TCF20: variants seen among roughly 807,000 people sequenced by gnomAD.
TCF20 encodes SPRE-binding protein.
TCF20 carries 3 observed loss-of-function variants against 148.6 expected under a neutral mutation model. That is an observed-to-expected ratio of 0.02 (90% CI 0.01 to 0.05). The LOEUF is 0.05. Among genes scored for constraint, TCF20 ranks in the 10% least tolerant of loss-of-function variants. TCF20 has a pLI of 1.00. For synonymous variants in TCF20, 1,049 were observed against 909.5 expected, an observed-to-expected ratio of 1.15 and a Z score of -2.76; for missense variants, 2,350 against 2,429.3, an observed-to-expected ratio of 0.97 and a Z score of 0.69.
At chr22:42,217,441 C>T (rs918464124) in intron 1 of TCF20, among the ~76,000 whole-genome samples, 2 of 152,182 alleles carry the variant, frequency 1.3e-5, no homozygotes, top group African/African-American at 4.8e-5. Flanking sequence ...CCCTGCCTGG[C>T]CCCATACTTA....
At position 42,215,115 on chromosome 22, in the gene TCF20, G is replaced by GC; in HGVS notation, c.190dup (p.Ala64GlyfsTer8). 1 of 1,614,190 alleles carries GC rather than the reference G, an allele frequency of 6.2e-7. No homozygotes were observed. Among genetic ancestry groups the GC allele is most frequent in the Non-Finnish European group, 8.5e-7 (1 of 1,180,028 alleles). On this transcript the variant is annotated frameshift_variant, in exon 2 of 6. Transcript: ENST00000677622. LOFTEE classifies it high-confidence loss of function. ...CTCGCTAGCCATCGCTGCCGCAGCAGCTGCTGCTCCTCGTCGTCCACCACC... is the reference window on the plus strand; with the variant it reads ...CTCGCTAGCCATCGCTGCCGCAGCAGCCTGCTGCTCCTCGTCGTCCACCACC...
chr22:42,255,514 A>C (rs1211587564), intron 1 of TCF20, among the ~76,000 whole-genome samples: 1 of 151,190 alleles, frequency 6.6e-6, no homozygotes, highest in Non-Finnish European at 1.5e-5. Flanking sequence ...AACAACAACA[A>C]CAACAACAAC....
In TCF20 at chr22:42,232,279, C is replaced by T. The variant is rs765121975; in HGVS notation, c.-36-16938G>A. Reference sequence around the variant, plus strand: ...ATACCACATAGCCTAGATGGGCAGTCGGCTACACCCAGGCTAGGTGTGTGT... The same window carrying T: ...ATACCACATAGCCTAGATGGGCAGTTGGCTACACCCAGGCTAGGTGTGTGT... On this transcript the variant is annotated intron_variant, in intron 1 of 5. Transcript: ENST00000677622. Among the ~76,000 whole-genome samples the T allele has an allele frequency of 3.3e-5, 5 of 152,092 alleles. 1 individual carries two copies. The highest frequency in any genetic ancestry group is 4.1e-4 in the South Asian group (2 of 4,822).
intron 1 of TCF20, among the ~76,000 whole-genome samples, chr22:42,302,222 C>T (rs1331075165): frequency 1.3e-5 from 2 of 152,136 alleles, no homozygotes; most frequent in Non-Finnish European, 2.9e-5. Context: ...GAAACTGAGA[C>T]CGGGGCTCCC....
At position 42,212,703 on chromosome 22, in the gene TCF20, C is replaced by G. The variant is rs781301966; in HGVS notation, c.2603G>C (p.Cys868Ser). 1.2e-6 allele frequency: 2 copies of G among 1,614,210 alleles called. No individual in the cohort carries two copies. The highest frequency in any genetic ancestry group is 2.2e-5 in the South Asian group (2 of 91,090). The change falls in exon 2 of 6, where the codon TGT becomes TCT. Residue 868 changes from cysteine (C) to serine (S), a missense_variant. Physicochemically the swap from Cys to Ser is moderately radical, Grantham distance 112 (BLOSUM62 -1). Around this residue, in one of 7 missense-constraint regions of TCF20, gnomAD observed 1,641 missense variants for 1,662.6 expected, o/e 0.99. Coordinates refer to ENST00000677622, the MANE Select transcript of TCF20 (RefSeq NM_001378418.1). ...GSLSERRSVI[C>S]DISPLRQIVR... ...AATCTGTCTTAGTGGAGAAATATCA[C>G]AGATCACTGATCTTCTTTCAGAGAG...
intron 1 of TCF20, among the ~76,000 whole-genome samples, chr22:42,235,030 T>C (rs1211389774): frequency 1.3e-5 from 2 of 151,212 alleles, no homozygotes; most frequent in Non-Finnish European, 2.9e-5. Context: ...TAGTCCCACA[T>C]ACTCGGGAGG....
chr22:42,227,310 G>T lies in TCF20; in HGVS notation c.-36-11969C>A, dbSNP rs373599287. On this transcript the variant is annotated intron_variant, in intron 1 of 5. Coordinates refer to ENST00000677622, the MANE Select transcript of TCF20 (RefSeq NM_001378418.1). ...ATAGTAATTTTAAATTACTTCAAAT[G>T]TACAGAAAAGTGCAAAAATAGTTCA... Among the ~76,000 whole-genome samples, 45 of 152,216 alleles carry T rather than the reference G, an allele frequency of 3.0e-4. 2 individuals are homozygous for T. In the South Asian group the frequency reaches 6.6e-3, roughly 22 times the overall value.
intron 1 of TCF20, among the ~76,000 whole-genome samples, chr22:42,334,121 G>T (rs941107610): frequency 5.9e-5 from 9 of 152,206 alleles, no homozygotes; most frequent in Admixed American, 5.9e-4. Flanking sequence ...CCTGTCCAGA[G>T]CCTGAACATC....
At position 42,179,675 on chromosome 22, in the gene TCF20, C is replaced by T. The variant is rs755317726; in HGVS notation, c.5683G>A (p.Ala1895Thr). 9 of 1,613,696 alleles carry T rather than the reference C, an allele frequency of 5.6e-6. No homozygotes were observed. Among genetic ancestry groups the T allele is most frequent in the Middle Eastern group, 1.6e-4 (1 of 6,084 alleles). The change falls in exon 3 of 6, where the codon GCC becomes ACC. Residue 1895 changes from alanine (A) to threonine (T), a missense_variant. Around this residue, in one of 7 missense-constraint regions of TCF20, gnomAD observed 30 missense variants for 59.5 expected, o/e 0.50. Coordinates refer to ENST00000677622, the MANE Select transcript of TCF20 (RefSeq NM_001378418.1). ...CCTTTGTTGTAGCAGCCCAAGGTGG[C>T]GCCTGCCTCCTGGCAGTGGGAACAT... The part of the protein sequence containing the change: ...MKCSHCQEAG[A>T]TLGCYNKGCS...
intron 2 of TCF20, among the ~76,000 whole-genome samples, chr22:42,185,809 G>A (rs1039013997): frequency 6.6e-6 from 1 of 152,204 alleles, no homozygotes; most frequent in Admixed American, 6.5e-5. Context: ...AAGCTCATGA[G>A]ACTGGCTGGA....
chr22:42,294,464 C>T (rs760953236), intron 1 of TCF20, among the ~76,000 whole-genome samples: 9 of 152,094 alleles, frequency 5.9e-5, no homozygotes, highest in South Asian at 2.1e-4. Context: ...TGGGGGTCGG[C>T]GTGGCAGAGG....
chr22:42,208,818 T>C (rs187888406), intron 2 of TCF20, among the ~76,000 whole-genome samples: 406 of 152,252 alleles, frequency 2.7e-3, no homozygotes, highest in African/African-American at 9.0e-3. Context: ...TTCAAAGAAC[T>C]ACCACATGAC....
Position 42,215,093 on chromosome 22 carries a change from G to C in TCF20, c.213C>G (p.Ser71Arg). The change falls in exon 2 of 6, where the codon AGC becomes AGG. Residue 71 changes from serine to arginine, a missense_variant. This residue lies in a region of TCF20 where 1,641 missense variants were observed against 1,662.6 expected (regional missense o/e 0.99). Transcript: ENST00000677622. ...GGTAACCTTGATGGCCAGAGGTCTCGCTAGCCATCGCTGCCGCAGCAGCTG... is the reference window on the plus strand; with the variant it reads ...GGTAACCTTGATGGCCAGAGGTCTCCCTAGCCATCGCTGCCGCAGCAGCTG... ...GAAAAAAAMA[S>R]ETSGHQGYQG... 1.2e-6 allele frequency: 2 copies of C among 1,614,148 alleles called. No individual in the cohort carries two copies. Among genetic ancestry groups the C allele is most frequent in the Non-Finnish European group, 1.7e-6 (2 of 1,180,026 alleles).
intron 5 of TCF20, among the ~76,000 whole-genome samples, chr22:42,163,098 G>C (rs2147030599): frequency 6.6e-6 from 1 of 152,314 alleles, no homozygotes; most frequent in Middle Eastern, 3.4e-3. Context: ...GCTCAAGGAG[G>C]GGACAGGGCA....
At chr22:42,244,105 G>A (rs1924702427) in intron 1 of TCF20, among the ~76,000 whole-genome samples, 1 of 152,276 alleles carries the variant, frequency 6.6e-6, no homozygotes, top group South Asian at 2.1e-4. Flanking sequence ...TTGGGAGGCT[G>A]AAGCAAGAGA....
intron 3 of TCF20, among the ~76,000 whole-genome samples, chr22:42,171,812 C>T (rs1405655902): frequency 1.3e-5 from 2 of 152,146 alleles, no homozygotes; most frequent in African/African-American, 2.4e-5. Context: ...AGAAACAGTA[C>T]AGCACACGTG....
In TCF20 at chr22:42,213,401, A is replaced by G. The variant is rs781663810; in HGVS notation, c.1905T>C (p.Thr635=). The G allele has an allele frequency of 1.9e-6, 3 of 1,614,022 alleles. No individual in the cohort carries two copies. The highest frequency in any genetic ancestry group is 2.2e-5 in the East Asian group (1 of 44,872). The part of the protein sequence containing the change: ...KGSQEDDPAA[T]QRPPSNGGAK... ...CCCCACCATTGCTAGGTGGCCTTTGAGTGGCTGCAGGATCATCCTCTTGGG... is the reference window on the plus strand; with the variant it reads ...CCCCACCATTGCTAGGTGGCCTTTGGGTGGCTGCAGGATCATCCTCTTGGG... Residue 635 remains threonine, a synonymous_variant, in exon 2 of 6, where the codon ACT becomes ACC. Coordinates refer to ENST00000677622, the MANE Select transcript of TCF20 (RefSeq NM_001378418.1).
At chr22:42,257,785 C>G (rs1925821522) in intron 1 of TCF20, among the ~76,000 whole-genome samples, 1 of 152,206 alleles carries the variant, frequency 6.6e-6, no homozygotes, top group Admixed American at 6.5e-5. Context: ...TCTACCCCAG[C>G]CAGGCCACCT....
chr22:42,161,209 G>T lies in TCF20; in HGVS notation c.*194C>A. 1 of 1,044,072 alleles carries T rather than the reference G, an allele frequency of 9.6e-7. No individual in the cohort carries two copies. Among genetic ancestry groups the T allele is most frequent in the Non-Finnish European group, 1.4e-6 (1 of 716,620 alleles). The allele number at this position is 1,044,072 out of a possible 1,614,324, so 64.7% of individuals were successfully genotyped here. ...GTCTTTCTTTCCTGTGGTGTCACTG[G>T]TTTGAGTGTGATGTGAGAACTTAAG... On this transcript the variant is annotated 3_prime_UTR_variant, in exon 6 of 6. Coordinates refer to ENST00000677622, the MANE Select transcript of TCF20 (RefSeq NM_001378418.1).
Sources: gnomAD v4.1 joint callset for allele counts (sites outside exome capture counted in the v4.1 genomes callset) on GRCh38, gnomAD v4.1.1 for gene constraint, gnomAD v4.1.1 regional missense constraint, MANE v1.5 for transcripts, NCBI Gene and HGNC (gene_info 2026-07-23, HGNC 2026-07-21) for gene names.